PLA2G4A: variants seen among roughly 807,000 people sequenced by gnomAD.
PLA2G4A encodes the protein phospholipase A2 group IVA, also known as cytosolic phospholipase A2.
Under a neutral mutation model 81.9 loss-of-function variants are expected in PLA2G4A, and 40 were observed. The observed-to-expected ratio is 0.49, with a 90% CI of 0.38 to 0.64. PLA2G4A has a LOEUF of 0.64. PLA2G4A is among the 30% of genes least tolerant of loss of function. The probability of loss-of-function intolerance (pLI) is 0.00; values close to 1 mark genes in which losing one functional copy is unlikely to be tolerated. For synonymous variants in PLA2G4A, 302 were observed against 296.9 expected (o/e 1.02, Z -0.18); for missense variants, 715 against 905.1 (o/e 0.79, Z 2.69).
At chr1:186,982,804 C>T (rs892734016) in intron 17 of PLA2G4A, among the ~76,000 whole-genome samples, 13 of 152,150 alleles carry the variant, frequency 8.5e-5, no homozygotes, top group East Asian at 5.8e-4. Context: ...TGGGGCCGGG[C>T]GCCGTGGTTC....
At chr1:186,884,263 T>C (rs1426094877) in intron 3 of PLA2G4A, among the ~76,000 whole-genome samples, 7 of 151,300 alleles carry the variant, frequency 4.6e-5, no homozygotes, top group African/African-American at 1.7e-4. Context: ...CCCCTTTTTT[T>C]TTTTTTTTTA....
At chr1:186,932,924 T>A (rs1347369589) in intron 8 of PLA2G4A, 25 bp downstream of exon 8, 1 of 1,540,752 alleles carries the variant, frequency 6.5e-7, no homozygotes, top group Non-Finnish European at 9.0e-7. Flanking sequence ...TTAATTTTAG[T>A]TTTATAACTT....
intron 3 of PLA2G4A, among the ~76,000 whole-genome samples, chr1:186,879,629 T>C (rs891637131): frequency 7.2e-5 from 11 of 152,002 alleles, no homozygotes; most frequent in African/African-American, 2.7e-4. Context: ...ATGGGAGTAA[T>C]AATCCTACTA....
At chr1:186,842,434 C>A (rs899309398) in intron 1 of PLA2G4A, among the ~76,000 whole-genome samples, 1 of 152,140 alleles carries the variant, frequency 6.6e-6, no homozygotes, top group Non-Finnish European at 1.5e-5. Flanking sequence ...CAATTGTATG[C>A]TGCTTTGTTT....
chr1:186,862,305 C>T (rs940733295), intron 2 of PLA2G4A, among the ~76,000 whole-genome samples: 1 of 146,028 alleles, frequency 6.8e-6, no homozygotes, highest in Admixed American at 7.2e-5. Context: ...GCCTCTGCCT[C>T]CCGGGTTCAA....
intron 15 of PLA2G4A, among the ~76,000 whole-genome samples, chr1:186,970,923 T>A (rs890010634): frequency 2.4e-4 from 36 of 151,892 alleles, no homozygotes; most frequent in African/African-American, 8.7e-4. Context: ...TTTTAGGATT[T>A]TTTTTTTCTA....
chr1:186,943,011 G>A (rs989729734), intron 10 of PLA2G4A, among the ~76,000 whole-genome samples: 1 of 151,976 alleles, frequency 6.6e-6, no homozygotes, highest in East Asian at 1.9e-4. Context: ...GAGTTACTGG[G>A]AAAAAAAGAA....
At chr1:186,905,971 G>A (rs1558422487) in intron 5 of PLA2G4A, among the ~76,000 whole-genome samples, 1 of 152,086 alleles carries the variant, frequency 6.6e-6, no homozygotes, top group Non-Finnish European at 1.5e-5. Flanking sequence ...TGAAACTCAA[G>A]AGGGTAAATC....
rs12720614 is a variant in PLA2G4A at position 186,945,932 on chromosome 1, A to T, written c.1034-705A>T. ...CTCAGTGGATCTTCAAAACAATCCT[A>T]CACACTATCTACTTGTGATATGTGA... On this transcript the variant is annotated intron_variant, in intron 10 of 17. Transcript: ENST00000367466. Among the ~76,000 whole-genome samples the T allele has an allele frequency of 7.3e-3, 1,117 of 152,286 alleles. 19 individuals carry two copies. Among genetic ancestry groups the T allele is most frequent in the African/African-American group, 0.025 (1,055 of 41,558 alleles).
intron 7 of PLA2G4A, among the ~76,000 whole-genome samples, chr1:186,922,424 C>T (rs769275710): frequency 6.6e-6 from 1 of 152,146 alleles, no homozygotes; most frequent in Non-Finnish European, 1.5e-5. Flanking sequence ...TTCAGTTGTC[C>T]AGACTCCAAG....
chr1:186,953,757 G>A (rs1342334083), intron 13 of PLA2G4A, among the ~76,000 whole-genome samples: 1 of 152,184 alleles, frequency 6.6e-6, no homozygotes, highest in African/African-American at 2.4e-5. Flanking sequence ...TTTATATGTT[G>A]ACTGTTGGGT....
intron 15 of PLA2G4A, among the ~76,000 whole-genome samples, chr1:186,969,210 A>T (rs1657253485): frequency 2.0e-5 from 3 of 151,638 alleles, no homozygotes; most frequent in African/African-American, 7.2e-5. Flanking sequence ...CTTTCTTATA[A>T]TTTTAAAAAT....
intron 17 of PLA2G4A, among the ~76,000 whole-genome samples, chr1:186,981,104 A>C (rs1313929169): frequency 1.3e-5 from 2 of 152,186 alleles, no homozygotes; most frequent in Non-Finnish European, 2.9e-5. Flanking sequence ...ACCTCATGCT[A>C]CTAAAACAGA....
At chr1:186,988,349 A>AT (rs1248595244) in intron 17 of PLA2G4A, 28 bp from the exon 18 acceptor site, 1 of 1,589,378 alleles carries the variant, frequency 6.3e-7, no homozygotes, top group Non-Finnish European at 8.6e-7. Context: ...AGCAGCGCTA[A>AT]TTATACAACT....
chr1:186,837,495 C>G (rs563466461), intron 1 of PLA2G4A, among the ~76,000 whole-genome samples: 1 of 151,408 alleles, frequency 6.6e-6, no homozygotes, highest in Non-Finnish European at 1.5e-5. Context: ...TTTGGGAGGC[C>G]GAGGCAGGCG....
intron 14 of PLA2G4A, among the ~76,000 whole-genome samples, chr1:186,959,661 C>A (rs1024874599): frequency 1.3e-5 from 2 of 152,114 alleles, no homozygotes; most frequent in Non-Finnish European, 2.9e-5. Flanking sequence ...AGTGCTTTTT[C>A]AGAAAGAGTC....
At chr1:186,925,235 A>G (rs902542005) in intron 7 of PLA2G4A, among the ~76,000 whole-genome samples, 2 of 152,164 alleles carry the variant, frequency 1.3e-5, no homozygotes, top group African/African-American at 4.8e-5. Flanking sequence ...GCCTATCTAA[A>G]TCTGAACACA....
In PLA2G4A at chr1:186,965,515, G is replaced by A; in HGVS notation, c.1686G>A (p.Leu562=). 1 of 1,612,648 alleles carries A rather than the reference G, an allele frequency of 6.2e-7. No homozygotes were observed. The highest frequency in any genetic ancestry group is 8.5e-7 in the Non-Finnish European group (1 of 1,178,616). ...LTFNLPYPLI[L]RPQRGVDLII... is the part of the protein sequence containing the mutation. ...TTAACCTGCCGTATCCCTTGATACT[G>A]AGACCTCAGAGAGGGGTTGATCTCA... Residue 562 remains leucine, a synonymous_variant, in exon 15 of 18, where the codon CTG becomes CTA. Coordinates refer to ENST00000367466, the MANE Select transcript of PLA2G4A (RefSeq NM_024420.3).
chr1:186,935,013 A>C (rs929237992), intron 8 of PLA2G4A, among the ~76,000 whole-genome samples: 1 of 151,918 alleles, frequency 6.6e-6, no homozygotes, highest in South Asian at 2.1e-4. Flanking sequence ...GAACCCTGTA[A>C]CACTCCAAAA....
Sources: gnomAD v4.1 joint callset for allele counts (sites outside exome capture counted in the v4.1 genomes callset) on GRCh38, gnomAD v4.1.1 for gene constraint, MANE v1.5 for transcripts, NCBI Gene and HGNC (gene_info 2026-07-23, HGNC 2026-07-21) for gene names.